SYNE2: variants seen among roughly 807,000 people sequenced by gnomAD.
SYNE2 encodes spectrin repeat containing nuclear envelope protein 2.
SYNE2 carries 431 observed loss-of-function variants against 856.3 expected under a neutral mutation model. That is an observed-to-expected ratio of 0.50 (90% CI 0.47 to 0.55). The LOEUF (loss-of-function observed/expected upper bound fraction) is 0.55. SYNE2 is among the 20% of genes least tolerant of loss of function. SYNE2 has a pLI of 0.00. For synonymous variants in SYNE2, 2,923 were observed against 2,872.3 expected (o/e 1.02, Z -0.56); for missense variants, 8,129 against 8,023.2 (o/e 1.01, Z -0.50).
intron 41 of SYNE2, 59 bp downstream of exon 41, chr14:64,025,480 T>A: frequency 6.5e-7 from 1 of 1,530,836 alleles, no homozygotes; most frequent in Non-Finnish European, 8.9e-7. Context: ...TGAAAAGATT[T>A]AGAGGAAAAC....
intron 96 of SYNE2, among the ~76,000 whole-genome samples, chr14:64,182,605 T>C (rs2098463958): frequency 6.6e-6 from 1 of 152,168 alleles, no homozygotes; most frequent in Non-Finnish European, 1.5e-5. Context: ...ACGAGCATGC[T>C]GCCTTCAAGC....
At chr14:63,985,707 A>G (rs1369878022) in intron 18 of SYNE2, among the ~76,000 whole-genome samples, 1 of 152,216 alleles carries the variant, frequency 6.6e-6, no homozygotes, top group Non-Finnish European at 1.5e-5. Context: ...GCAAAGTGAT[A>G]TATACTATTT....
intron 84 of SYNE2, among the ~76,000 whole-genome samples, chr14:64,148,474 C>G (rs2098208189): frequency 6.6e-6 from 1 of 152,186 alleles, no homozygotes; most frequent in Non-Finnish European, 1.5e-5. Context: ...CCCCATTTGC[C>G]TCTGTGCCAT....
chr14:63,963,690 C>A (rs2096352084), intron 9 of SYNE2, among the ~76,000 whole-genome samples: 1 of 152,070 alleles, frequency 6.6e-6, no homozygotes, highest in African/African-American at 2.4e-5. Context: ...TTGCCCATTT[C>A]TTTAGCACAT....
intron 66 of SYNE2, among the ~76,000 whole-genome samples, chr14:64,117,749 A>G (rs1206438591): frequency 6.6e-6 from 1 of 152,160 alleles, no homozygotes; most frequent in Non-Finnish European, 1.5e-5. Flanking sequence ...GTGCATAAAA[A>G]GTTTCAGGTT....
intron 1 of SYNE2, among the ~76,000 whole-genome samples, chr14:63,769,853 T>A (rs1316642500): frequency 6.6e-6 from 1 of 151,068 alleles, no homozygotes; most frequent in Non-Finnish European, 1.5e-5. Context: ...GAGCCAAGAT[T>A]GTGTCACTGC....
Position 63,993,982 on chromosome 14 carries a change from A to G in SYNE2, c.2781+13A>G, listed in dbSNP as rs1036417919. On this transcript the variant is annotated intron_variant, in intron 22 of 115. Coordinates refer to ENST00000555002, the MANE Select transcript of SYNE2 (RefSeq NM_182914.3). The stretch of plus-strand genomic sequence containing the variant: ...TGCCAAATGGGAGGTAAGAACATGC[A>G]TATGTTTCTGAACTTACGTTTTTAT... 1.9e-6 allele frequency: 3 copies of G among 1,613,244 alleles called. No individual in the cohort carries two copies. The highest frequency in any genetic ancestry group is 2.2e-5 in the East Asian group (1 of 44,866).
At chr14:64,178,698 A>G (rs543417329) in intron 96 of SYNE2, among the ~76,000 whole-genome samples, 31 of 152,244 alleles carry the variant, frequency 2.0e-4, no homozygotes, top group South Asian at 6.2e-4. Flanking sequence ...GGCTCAAGCA[A>G]TTCTCCTGCC....
rs764683101 is a variant in SYNE2 at position 64,052,828 on chromosome 14, A to T, written c.8915A>T (p.Glu2972Val). 8 of 1,612,840 alleles carry T rather than the reference A, an allele frequency of 5.0e-6. No homozygotes were observed. In the East Asian group the frequency reaches 1.6e-4, roughly 31 times the overall value. ...CGCAATGAACTATTACTTAATCAAG[A>T]AGTAAATAAAGGTGTTAAAGAGGAG... ...IQRNELLLNQEVNKGVKEEIY... is the reference protein window; with the variant it reads ...IQRNELLLNQVVNKGVKEEIY... The change falls in exon 48 of 116, where the codon GAA becomes GTA. Residue 2972 changes from glutamate (E) to valine (V), a missense_variant. By Grantham distance (121) the Glu-to-Val change is moderately radical. This residue lies in a region of SYNE2 where 5,410 missense variants were observed against 5,284.8 expected (regional missense o/e 1.02). Transcript: ENST00000555002.
chr14:63,848,927 A>G (rs1217565241), upstream of SYNE2, among the ~76,000 whole-genome samples: 1 of 152,224 alleles, frequency 6.6e-6, no homozygotes, highest in East Asian at 1.9e-4. Flanking sequence ...CTATGGTTCA[A>G]CTGGCAATAC....
chr14:63,929,308 A>G (rs1394588973), intron 2 of SYNE2, among the ~76,000 whole-genome samples: 1 of 152,220 alleles, frequency 6.6e-6, no homozygotes, highest in East Asian at 1.9e-4. Context: ...GTGCAGAGCT[A>G]AAAAAATCTG....
At chr14:64,026,327 C>A (rs573768560) in intron 41 of SYNE2, among the ~76,000 whole-genome samples, 2 of 152,070 alleles carry the variant, frequency 1.3e-5, no homozygotes, top group South Asian at 4.2e-4. Flanking sequence ...GTTTTGGGGG[C>A]ATAAAGGAAG....
intron 99 of SYNE2, among the ~76,000 whole-genome samples, chr14:64,192,357 C>T (rs1323415350): frequency 6.6e-6 from 1 of 152,104 alleles, no homozygotes; most frequent in Non-Finnish European, 1.5e-5. Context: ...CATACAGGAT[C>T]AAGATCTAGC....
intron 66 of SYNE2, among the ~76,000 whole-genome samples, chr14:64,115,730 G>C (rs372173770): frequency 6.6e-6 from 1 of 152,126 alleles, no homozygotes; most frequent in Non-Finnish European, 1.5e-5. Context: ...ACATACAAAG[G>C]CATCTTTGGC....
chr14:63,931,409 G>A (rs527924636), intron 2 of SYNE2, among the ~76,000 whole-genome samples: 1 of 152,094 alleles, frequency 6.6e-6, no homozygotes, highest in East Asian at 1.9e-4. Flanking sequence ...AATTAGCCGG[G>A]CGTGGTGGAG....
At chr14:63,888,232 G>A (rs956925925) in intron 1 of SYNE2, among the ~76,000 whole-genome samples, 3 of 152,190 alleles carry the variant, frequency 2.0e-5, no homozygotes, top group African/African-American at 7.2e-5. Context: ...CACCAGTCCA[G>A]GAGTGATTCT....
intron 1 of SYNE2, among the ~76,000 whole-genome samples, chr14:63,825,773 C>T (rs1049571662): frequency 6.6e-6 from 1 of 151,800 alleles, no homozygotes; most frequent in Non-Finnish European, 1.5e-5. Context: ...TACTCGGGAG[C>T]CTGAGGCAGG....
intron 48 of SYNE2, among the ~76,000 whole-genome samples, chr14:64,055,329 T>A (rs1262751613): frequency 6.6e-6 from 1 of 152,130 alleles, no homozygotes. Flanking sequence ...GATGTTATTT[T>A]GAATTTAGAT....
chr14:64,179,557 T>A (rs1246134512), intron 96 of SYNE2, among the ~76,000 whole-genome samples: 1 of 152,264 alleles, frequency 6.6e-6, no homozygotes, highest in African/African-American at 2.4e-5. Context: ...AATTTATATA[T>A]CCCTTCTGTA....
Sources: gnomAD v4.1 joint callset for allele counts (sites outside exome capture counted in the v4.1 genomes callset) on GRCh38, gnomAD v4.1.1 for gene constraint, gnomAD v4.1.1 regional missense constraint, MANE v1.5 for transcripts, NCBI Gene and HGNC (gene_info 2026-07-23, HGNC 2026-07-21) for gene names.